CCDC178: variants seen among roughly 807,000 people sequenced by gnomAD.
CCDC178 encodes coiled-coil domain containing 178.
In CCDC178, 126 loss-of-function variants were observed where a neutral mutation model predicts 117.4. The observed-to-expected ratio is 1.07, with a 90% confidence interval of 0.93 to 1.24. The LOEUF (loss-of-function observed/expected upper bound fraction) is 1.24. Ranked by LOEUF, CCDC178 falls within the 50% of genes most tolerant of loss-of-function variation. The probability of loss-of-function intolerance (pLI) is 0.00; values close to 1 mark genes in which losing one functional copy is unlikely to be tolerated. For synonymous variants in CCDC178, 283 were observed against 313.4 expected, an observed-to-expected ratio of 0.90 and a Z score of 1.02; for missense variants, 1,030 against 986.9, an observed-to-expected ratio of 1.04 and a Z score of -0.59.
chr18:33,027,146 G>C (rs1236018106), intron 21 of CCDC178, among the ~76,000 whole-genome samples: 1 of 151,606 alleles, frequency 6.6e-6, no homozygotes, highest in Non-Finnish European at 1.5e-5. Flanking sequence ...TGGGGGAAGT[G>C]GTAAACATAA....
At chr18:33,065,861 CT>C (rs113727763) in intron 21 of CCDC178, among the ~76,000 whole-genome samples, 16,620 of 130,046 alleles carry the variant, frequency 0.13, 1,016 homozygotes, top group African/African-American at 0.27. Context: ...AGTTCTTTTT[CT>C]TTTTTTTTTT....
At chr18:33,292,021 C>A (rs199949545) in intron 12 of CCDC178, among the ~76,000 whole-genome samples, 39 of 141,826 alleles carry the variant, frequency 2.7e-4, no homozygotes, top group Admixed American at 3.5e-4. Flanking sequence ...GGAGATTCCT[C>A]AAAAAAAAAA....
At chr18:33,294,547 A>T (rs2062082027) in intron 11 of CCDC178, among the ~76,000 whole-genome samples, 1 of 152,156 alleles carries the variant, frequency 6.6e-6, no homozygotes, top group African/African-American at 2.4e-5. Flanking sequence ...CCAGCAGCAT[A>T]GTCAAATGAA....
intron 9 of CCDC178, among the ~76,000 whole-genome samples, chr18:33,339,038 T>C (rs2062779745): frequency 1.3e-5 from 2 of 152,114 alleles, no homozygotes. Context: ...TGAAAAGATA[T>C]TTTGAAGTAA....
chr18:33,346,476 T>G, intron 8 of CCDC178, 65 bp from the exon 9 acceptor site: 1 of 874,870 alleles, frequency 1.1e-6, no homozygotes, highest in Admixed American at 2.6e-5. Flanking sequence ...GATGGGAACA[T>G]GGGCCTTAGT....
chr18:33,429,597 A>G (rs1478950942), intron 2 of CCDC178, among the ~76,000 whole-genome samples: 1 of 152,258 alleles, frequency 6.6e-6, no homozygotes, highest in African/African-American at 2.4e-5. Flanking sequence ...AGAAAATAAT[A>G]TATGATATAA....
chr18:32,970,352 G>A (rs143438441), intron 22 of CCDC178, among the ~76,000 whole-genome samples: 76 of 151,898 alleles, frequency 5.0e-4, no homozygotes, highest in Non-Finnish European at 9.6e-4. Context: ...TTTTTGAATT[G>A]CTTTTCCTCA....
chr18:33,269,964 G>C (rs1338008394), intron 12 of CCDC178, among the ~76,000 whole-genome samples: 5 of 151,608 alleles, frequency 3.3e-5, no homozygotes, highest in African/African-American at 9.7e-5. Context: ...ATATGTTCAA[G>C]GATCTAAAGG....
intron 20 of CCDC178, among the ~76,000 whole-genome samples, chr18:33,114,791 G>A (rs1035089789): frequency 6.6e-6 from 1 of 152,018 alleles, no homozygotes; most frequent in Non-Finnish European, 1.5e-5. Context: ...CTTCTAATAG[G>A]ACAGACCACC....
chr18:33,088,056 G>T (rs1242243881), intron 21 of CCDC178, among the ~76,000 whole-genome samples: 3 of 151,962 alleles, frequency 2.0e-5, no homozygotes, highest in Non-Finnish European at 4.4e-5. Flanking sequence ...TTCTTCTCTT[G>T]GTGGGGTGAA....
At position 33,298,581 on chromosome 18, in the gene CCDC178, C is replaced by T. The variant is rs9948185; in HGVS notation, c.1023-5269G>A. 8.9e-3 allele frequency among the ~76,000 whole-genome samples: 1,358 copies of T among 152,216 alleles called. 21 individuals are homozygous for T. The highest frequency in any genetic ancestry group is 0.03 in the African/African-American group (1,259 of 41,536). On this transcript the variant is annotated intron_variant, in intron 11 of 22. Coordinates refer to ENST00000383096, the MANE Select transcript of CCDC178 (RefSeq NM_001105528.4). ...TATAAGATCTAGAACAAGACAAGGA[C>T]GTCCAGTCTCAGCACTCTCATTCAA...
intron 15 of CCDC178, among the ~76,000 whole-genome samples, chr18:33,228,526 GAAGA>G (rs2059334716): frequency 6.6e-6 from 1 of 152,178 alleles, no homozygotes; most frequent in African/African-American, 2.4e-5. Context: ...TCTCTGAAAA[GAAGA>G]AAGATACTAC....
chr18:33,399,858 T>A (rs1412323443), intron 3 of CCDC178, among the ~76,000 whole-genome samples: 1 of 152,218 alleles, frequency 6.6e-6, no homozygotes, highest in African/African-American at 2.4e-5. Context: ...ATGTACACTT[T>A]CCTCAAGGTT....
chr18:33,226,625 C>G (rs973472597), intron 16 of CCDC178, among the ~76,000 whole-genome samples, 168 bp downstream of exon 16: 1 of 152,168 alleles, frequency 6.6e-6, no homozygotes, highest in African/African-American at 2.4e-5. Context: ...TATGCATGAT[C>G]AGACACTGCT....
At chr18:33,168,343 C>T (rs187489018) in intron 20 of CCDC178, among the ~76,000 whole-genome samples, 18 of 152,162 alleles carry the variant, frequency 1.2e-4, no homozygotes, top group Admixed American at 1.0e-3. Context: ...AATAGAGAGT[C>T]GTCTTCCTAT....
At chr18:33,377,229 G>A (rs1228217540) in intron 5 of CCDC178, among the ~76,000 whole-genome samples, 1 of 152,196 alleles carries the variant, frequency 6.6e-6, no homozygotes, top group East Asian at 1.9e-4. Flanking sequence ...TCACATGCTT[G>A]TTGGCCATGT....
intron 21 of CCDC178, among the ~76,000 whole-genome samples, chr18:33,010,879 T>G (rs1030566923): frequency 6.6e-6 from 1 of 152,214 alleles, no homozygotes; most frequent in Non-Finnish European, 1.5e-5. Flanking sequence ...TTTCTTGCTC[T>G]TCAACCTTAA....
chr18:33,289,303 A>C (rs2060138415), intron 12 of CCDC178, among the ~76,000 whole-genome samples: 1 of 152,128 alleles, frequency 6.6e-6, no homozygotes. Flanking sequence ...TATTTGCAAG[A>C]GGTAGAGTTT....
intron 4 of CCDC178, among the ~76,000 whole-genome samples, chr18:33,394,943 G>GTGTGTATA (rs1222110972): frequency 1.6e-5 from 1 of 61,506 alleles, no homozygotes; most frequent in African/African-American, 6.0e-5. Context: ...ATATGTATGT[G>GTGTGTATA]TATATATATA....
Sources: gnomAD v4.1 joint callset for allele counts (sites outside exome capture counted in the v4.1 genomes callset) on GRCh38, gnomAD v4.1.1 for gene constraint, MANE v1.5 for transcripts, NCBI Gene and HGNC (gene_info 2026-07-23, HGNC 2026-07-21) for gene names.